HIVEP3: variants seen among roughly 807,000 people sequenced by gnomAD.
HIVEP3 encodes HIVEP zinc finger 3.
In HIVEP3, 49 loss-of-function variants were observed where a neutral mutation model predicts 152.8. The observed-to-expected ratio is 0.32, with a 90% CI of 0.26 to 0.41. The LOEUF (loss-of-function observed/expected upper bound fraction) is 0.41, where lower values mean the gene tolerates loss of function less well. Ranked by LOEUF, HIVEP3 falls within the 10% of genes least tolerant of loss-of-function variation. HIVEP3 has a pLI of 1.00. For missense variants in HIVEP3, 2,790 were observed against 3,103.3 expected (o/e 0.90, Z 2.40); for synonymous variants, 1,269 against 1,289.0 (o/e 0.98, Z 0.33).
intron 6 of HIVEP3, among the ~76,000 whole-genome samples, chr1:41,523,068 C>T (rs1173043100): frequency 6.6e-6 from 1 of 152,276 alleles, no homozygotes; most frequent in African/African-American, 2.4e-5. Flanking sequence ...TCACTTTCTT[C>T]ACCTTCAAGG....
Position 41,580,098 on chromosome 1 carries a change from G to T in HIVEP3, c.4700C>A (p.Pro1567His), listed in dbSNP as rs1168406290. ...TTCTGACAGAGGCAGAGAGCTCGGA[G>T]GTGCCAAGGAGGGGAGATCAGGTTG... ...KEQPDLPSLA[P>H]PSSLPLSETS... Residue 1567 changes from proline to histidine, a missense_variant, in exon 4 of 9, where the codon CCT becomes CAT. Physicochemically the swap from Pro to His is moderately conservative, Grantham distance 77. This residue lies in a region of HIVEP3 where 1,078 missense variants were observed against 1,165.3 expected (regional missense o/e 0.93). Transcript: ENST00000372583. The T allele has an allele frequency of 1.9e-6, 3 of 1,614,130 alleles. No individual in the cohort carries two copies. In the Admixed American group the frequency reaches 5.0e-5, roughly 27 times the overall value.
At chr1:41,876,666 T>C (rs1644175620) in intron 1 of HIVEP3, among the ~76,000 whole-genome samples, 1 of 152,140 alleles carries the variant, frequency 6.6e-6, no homozygotes, top group African/African-American at 2.4e-5. Context: ...TCTCCCAGCA[T>C]TGTCTCTTTA....
intron 3 of HIVEP3, among the ~76,000 whole-genome samples, chr1:41,589,099 T>A (rs76520880): frequency 0.023 from 3,562 of 152,314 alleles, 139 homozygotes; most frequent in African/African-American, 0.082. Flanking sequence ...ATGTGTGAAA[T>A]TTTAACACAA....
chr1:41,711,387 T>A (rs1646511262), intron 1 of HIVEP3, among the ~76,000 whole-genome samples: 1 of 152,216 alleles, frequency 6.6e-6, no homozygotes, highest in African/African-American at 2.4e-5. Flanking sequence ...TATAGCTTCA[T>A]GGGCTGATGG....
Position 41,582,361 on chromosome 1 carries a change from C to G in HIVEP3, c.2437G>C (p.Glu813Gln), listed in dbSNP as rs143750631. Residue 813 changes from glutamate to glutamine, a missense_variant, in exon 4 of 9, where the codon GAG becomes CAG. By Grantham distance (29) the Glu-to-Gln change is conservative (BLOSUM62 2). Transcript: ENST00000372583. This position sits in a 1 kb window ranked among gnomAD's most constrained non-coding sequence, Gnocchi z 4.7. ...TSSFEKSDSLEQPSGLEGEDK... is the reference protein window; with the variant it reads ...TSSFEKSDSLQQPSGLEGEDK... ...TCCCCTTCCAAGCCACTCGGCTGCT[C>G]GAGAGAATCAGATTTCTCAAAGGAG... 2.0e-5 allele frequency: 32 copies of G among 1,614,038 alleles called. No homozygotes were observed. The highest frequency in any genetic ancestry group is 2.5e-5 in the Non-Finnish European group (30 of 1,180,012).
In HIVEP3 at chr1:41,575,627, T is replaced by A; in HGVS notation, c.5124A>T (p.Glu1708Asp). ...CCTCCGGCTCCCCTCTCCTCTCTTC[T>A]TCCTTCTCCACTCTAGCTAGATCTT... ...GQKDLARVEK[E>D]EERRGEPEED... The change falls in exon 5 of 9, where the codon GAA becomes GAT. Residue 1708 changes from glutamate to aspartate, a missense_variant. Glu to Asp is a conservative substitution (Grantham distance 45). Transcript: ENST00000372583. 6.2e-7 allele frequency: 1 copy of A among 1,614,134 alleles called. No individual in the cohort carries two copies. Among genetic ancestry groups the A allele is most frequent in the Non-Finnish European group, 8.5e-7 (1 of 1,179,980 alleles).
chr1:41,757,273 G>A (rs1647367200), intron 1 of HIVEP3, among the ~76,000 whole-genome samples: 2 of 151,742 alleles, frequency 1.3e-5, no homozygotes, highest in Admixed American at 6.6e-5. Context: ...CTGCCACCAT[G>A]CCCGGCTAAT....
chr1:41,758,194 G>A (rs61773729), intron 1 of HIVEP3, among the ~76,000 whole-genome samples: 73,390 of 151,920 alleles, frequency 0.48, 20,146 homozygotes, highest in Non-Finnish European at 0.63. Context: ...TTTTGGTGGG[G>A]TCTGAAGACC....
intron 3 of HIVEP3, among the ~76,000 whole-genome samples, chr1:41,596,935 G>A (rs1186280201): frequency 1.3e-5 from 2 of 152,262 alleles, no homozygotes; most frequent in East Asian, 3.9e-4. Flanking sequence ...AAGTCACTCT[G>A]CATGACCATG....
rs938239941 is a variant in HIVEP3 at position 41,873,316 on chromosome 1, G to C, written c.-801+45097C>G. On this transcript the variant is annotated intron_variant, in intron 1 of 8. Transcript: ENST00000372583. This position sits in a 1 kb window ranked among gnomAD's most constrained non-coding sequence, Gnocchi z 4.2. ...AATTTTCTAGGAGAGACAGGACTTG[G>C]GGGTACCACTAGGCCCCGGGGACAT... Among the ~76,000 whole-genome samples the C allele has an allele frequency of 7.9e-5, 12 of 152,198 alleles. No individual in the cohort carries two copies. The highest frequency in any genetic ancestry group is 1.5e-4 in the Non-Finnish European group (10 of 68,044).
At chr1:41,855,978 C>T (rs947038766) in intron 1 of HIVEP3, among the ~76,000 whole-genome samples, 11 of 152,170 alleles carry the variant, frequency 7.2e-5, no homozygotes, top group African/African-American at 1.2e-4. Context: ...CTTTGCCTCT[C>T]GGGTTCAAGT....
rs761181678 is a variant in HIVEP3, at chr1:41,787,689, T to TA, written c.-800-86695dup. On this transcript the variant is annotated intron_variant, in intron 1 of 8. Coordinates refer to ENST00000372583, the MANE Select transcript of HIVEP3 (RefSeq NM_024503.5). Reference sequence around the variant, plus strand: ...GTGTGCAGCACCATGCCCAGCTAATTAAAAAAATTTTTTTTTTTTTTTGTA... The same window carrying TA: ...GTGTGCAGCACCATGCCCAGCTAATTAAAAAAAATTTTTTTTTTTTTTTGTA... Among the ~76,000 whole-genome samples the TA allele has an allele frequency of 3.1e-3, 447 of 144,250 alleles. 1 individual carries two copies. Among genetic ancestry groups the TA allele is most frequent in the Non-Finnish European group, 5.0e-3 (328 of 65,980 alleles). 94.6% of individuals were successfully genotyped at this position (144,250 alleles called of 152,430 possible).
chr1:41,977,622 C>G (rs755284893), intron 1 of HIVEP3, among the ~76,000 whole-genome samples: 4 of 152,252 alleles, frequency 2.6e-5, no homozygotes, highest in Non-Finnish European at 5.9e-5. Flanking sequence ...ATCAGAACAT[C>G]TGCGAATAAA....
intron 1 of HIVEP3, among the ~76,000 whole-genome samples, chr1:41,859,404 G>C (rs1466311231): frequency 6.6e-6 from 1 of 152,170 alleles, no homozygotes; most frequent in East Asian, 1.9e-4. Flanking sequence ...TAAAAGTAAT[G>C]TCATGTCTTC....
chr1:42,010,647 G>C (rs1188147067), intron 1 of HIVEP3, among the ~76,000 whole-genome samples: 1 of 152,036 alleles, frequency 6.6e-6, no homozygotes, highest in African/African-American at 2.4e-5. Context: ...TTTATCTGCT[G>C]GGTCTACATC....
chr1:41,718,927 A>G (rs1646637631), intron 1 of HIVEP3, among the ~76,000 whole-genome samples: 1 of 152,266 alleles, frequency 6.6e-6, no homozygotes, highest in Admixed American at 6.5e-5. Flanking sequence ...GGGTCAAGGT[A>G]CATGTTTTAA....
chr1:41,910,461 T>C (rs1390757237), intron 1 of HIVEP3, among the ~76,000 whole-genome samples: 1 of 152,046 alleles, frequency 6.6e-6, no homozygotes, highest in African/African-American at 2.4e-5. Flanking sequence ...ACAGAATCTT[T>C]TTTTGAGAAC....
chr1:41,516,127 C>A (rs1423873848), intron 7 of HIVEP3, among the ~76,000 whole-genome samples: 1 of 98,546 alleles, frequency 1.0e-5, no homozygotes, highest in Non-Finnish European at 2.4e-5. Flanking sequence ...TCGGGGCTGG[C>A]CGGGGCCTCC....
At chr1:41,742,760 CCTCT>C (rs2124208591) in intron 1 of HIVEP3, among the ~76,000 whole-genome samples, 1 of 152,278 alleles carries the variant, frequency 6.6e-6, no homozygotes, top group South Asian at 2.1e-4. Flanking sequence ...AGCTTCTCTC[CCTCT>C]GTCGCATCAT....
Sources: allele counts gnomAD v4.1 joint callset (sites outside exome capture counted in the v4.1 genomes callset), GRCh38; gene constraint gnomAD v4.1.1; regional missense constraint gnomAD v4.1.1; non-coding constraint Gnocchi (gnomAD v3.1); transcripts MANE v1.5; gene names NCBI Gene and HGNC (gene_info 2026-07-23, HGNC 2026-07-21).